IFT140: variants seen among roughly 807,000 people sequenced by gnomAD.
IFT140 encodes the protein intraflagellar transport 140, also known as intraflagellar transport protein 140 homolog.
In IFT140, 133 loss-of-function variants were observed where a neutral mutation model predicts 164.6. That is an observed-to-expected ratio of 0.81 (90% CI 0.70 to 0.93). The LOEUF is 0.93. IFT140 is among the 40% of genes least tolerant of loss of function. The pLI, the probability that IFT140 is intolerant of heterozygous loss-of-function variation, is 0.00. For missense variants in IFT140, 2,045 were observed against 1,972.3 expected (o/e 1.04, Z -0.70); for synonymous variants, 860 against 817.3 (o/e 1.05, Z -0.89).
chr16:1,597,527 G>T (rs2035526187), intron 4 of IFT140, among the ~76,000 whole-genome samples: 1 of 152,204 alleles, frequency 6.6e-6, no homozygotes, highest in Non-Finnish European at 1.5e-5. Flanking sequence ...CCACAACAGG[G>T]TCTCTGGTGG....
intron 4 of IFT140, among the ~76,000 whole-genome samples, chr16:1,593,971 C>A (rs1242367505): frequency 2.0e-5 from 3 of 152,188 alleles, no homozygotes; most frequent in Non-Finnish European, 4.4e-5. Context: ...GCATGGGAGA[C>A]CTGCCTCTTC....
intron 18 of IFT140, among the ~76,000 whole-genome samples, 159 bp downstream of exon 18, chr16:1,561,826 G>A (rs1380447401): frequency 1.3e-5 from 2 of 152,150 alleles, no homozygotes; most frequent in East Asian, 1.9e-4. Context: ...AATTTCAGGC[G>A]ACAAGTGAGA....
At chr16:1,573,405 T>C (rs1429898007) in intron 13 of IFT140, among the ~76,000 whole-genome samples, 2 of 151,972 alleles carry the variant, frequency 1.3e-5, no homozygotes, top group Admixed American at 1.3e-4. Flanking sequence ...AACATCTCTA[T>C]GTCAATACAT....
Position 1,511,233 on chromosome 16 carries a change from G to A in IFT140, c.4183-83C>T, listed in dbSNP as rs1037746915. ...GCCTGCAGGCCAGGCACGTGCTGCT[G>A]CCCCTGGAGGCGGGTGGGGGTGCCT... On this transcript the variant is annotated intron_variant, in intron 30 of 30. Transcript: ENST00000426508. The A allele has an allele frequency of 2.4e-4, 322 of 1,348,968 alleles. 1 individual carries two copies. The highest frequency in any genetic ancestry group is 3.7e-4 in the Middle Eastern group (2 of 5,420). 83.6% of individuals were successfully genotyped at this position (1,348,968 alleles called of 1,614,324 possible).
At chr16:1,588,685 T>C (rs529105781) in intron 7 of IFT140, among the ~76,000 whole-genome samples, 136 of 152,160 alleles carry the variant, frequency 8.9e-4, no homozygotes, top group Admixed American at 3.7e-3. Context: ...CCCTGTTTTG[T>C]AGAGAACAAA....
rs761916071 is a variant in IFT140, at chr16:1,523,960, C to A, written c.3142-4G>T. ...GCTGGTCGTCCAGGCCGTTCTCCTG[C>A]AGGGAGGGAGGCAGGGCCCTGAAGC... On this transcript the variant is annotated splice_polypyrimidine_tract_variant and splice_region_variant and intron_variant, in intron 24 of 30. Coordinates refer to ENST00000426508, the MANE Select transcript of IFT140 (RefSeq NM_014714.4). 1.9e-6 allele frequency: 3 copies of A among 1,610,646 alleles called. No individual in the cohort carries two copies. Among genetic ancestry groups the A allele is most frequent in the Non-Finnish European group, 8.5e-7 (1 of 1,179,714 alleles).
chr16:1,605,002 G>T (rs962949114), intron 3 of IFT140, among the ~76,000 whole-genome samples: 12 of 152,126 alleles, frequency 7.9e-5, no homozygotes, highest in Admixed American at 6.5e-4. Flanking sequence ...ACACCCTAGA[G>T]ATGTCAGGAA....
intron 4 of IFT140, among the ~76,000 whole-genome samples, chr16:1,597,230 G>T (rs773836232): frequency 6.6e-6 from 1 of 152,176 alleles, no homozygotes; most frequent in Admixed American, 6.5e-5. Flanking sequence ...GGCCTGGCCC[G>T]TCTAACGTGC....
intron 19 of IFT140, 121 bp from the exon 20 acceptor site, chr16:1,526,917 G>C: frequency 8.9e-7 from 1 of 1,126,964 alleles, no homozygotes. Flanking sequence ...CATGAGGAGG[G>C]GCCTTCACCC....
intron 4 of IFT140, among the ~76,000 whole-genome samples, chr16:1,601,561 G>A (rs951037673): frequency 3.9e-5 from 6 of 152,244 alleles, no homozygotes; most frequent in African/African-American, 1.4e-4. Context: ...GTAGCTGGAG[G>A]GAAAGCAGAC....
chr16:1,575,168 C>A (rs111534779), intron 13 of IFT140, among the ~76,000 whole-genome samples: 2 of 151,374 alleles, frequency 1.3e-5, no homozygotes, highest in African/African-American at 4.9e-5. Context: ...TCAAGACCAG[C>A]CTGGGCAACA....
chr16:1,589,501 T>C (rs2035064658), intron 7 of IFT140, 104 bp downstream of exon 7: 1 of 1,203,502 alleles, frequency 8.3e-7, no homozygotes, highest in Non-Finnish European at 1.2e-6. Context: ...GTTGATAGGC[T>C]TTTTTTCAGT....
In IFT140 at chr16:1,548,004, T is replaced by A. The variant is rs565795230; in HGVS notation, c.2399+9931A>T. ...TCTGGATAGCTCGCTTGCCTGTCTT[T>A]GGTACCCACTCCCCAGGCATCAGTT... On this transcript the variant is annotated intron_variant, in intron 19 of 30. Coordinates refer to ENST00000426508, the MANE Select transcript of IFT140 (RefSeq NM_014714.4). Among the ~76,000 whole-genome samples the A allele has an allele frequency of 8.5e-5, 13 of 152,324 alleles. 1 individual carries two copies. Among genetic ancestry groups the A allele is most frequent in the African/African-American group, 3.1e-4 (13 of 41,588 alleles).
chr16:1,555,009 G>A (rs776603275), intron 19 of IFT140: 3 of 1,611,690 alleles, frequency 1.9e-6, no homozygotes, highest in Admixed American at 1.7e-5. Flanking sequence ...CAATGACTAC[G>A]TGGAGTCACC....
chr16:1,606,843 CGT>C (rs1334887330), intron 3 of IFT140, among the ~76,000 whole-genome samples: 3 of 151,850 alleles, frequency 2.0e-5, no homozygotes, highest in South Asian at 2.1e-4. Flanking sequence ...CACACACACA[CGT>C]GTGCACACAC....
At chr16:1,585,429 C>T (rs904490359) in intron 10 of IFT140, among the ~76,000 whole-genome samples, 4 of 152,248 alleles carry the variant, frequency 2.6e-5, no homozygotes, top group Middle Eastern at 3.4e-3. Flanking sequence ...AAAATAAGAG[C>T]GACCACTAAA....
chr16:1,553,271 TCTGTCTCTCTGTGTCTCTGC>T lies in IFT140; in HGVS notation c.2399+4644_2399+4663del, dbSNP rs371656577. The T allele has an allele frequency of 9.2e-6, 9 of 980,202 alleles. No homozygotes were observed. Among genetic ancestry groups the T allele is most frequent in the Admixed American group, 6.1e-5 (1 of 16,270 alleles). The allele number at this position is 980,202 out of a possible 1,614,324, so 60.7% of individuals were successfully genotyped here. On this transcript the variant is annotated intron_variant, in intron 19 of 30. Coordinates refer to ENST00000426508, the MANE Select transcript of IFT140 (RefSeq NM_014714.4). This position sits in a 1 kb window ranked among gnomAD's most constrained non-coding sequence, Gnocchi z 4.4. Reference sequence around the variant, plus strand: ...CTGTCTCTCTGTATCTCTCTTGGTCTCTGTCTCTCTGTGTCTCTGCCTGTCTCTCTGTGTCTCTGTCTCTG... The same window carrying T: ...CTGTCTCTCTGTATCTCTCTTGGTCTCTGTCTCTCTGTGTCTCTGTCTCTG...
intron 10 of IFT140, 42 bp from the exon 11 acceptor site, chr16:1,584,462 C>T (rs1188041808): frequency 3.3e-6 from 5 of 1,507,652 alleles, no homozygotes; most frequent in Non-Finnish European, 4.5e-6. Flanking sequence ...GATGTGTGAA[C>T]AGAGCAGGAG....
At chr16:1,542,982 T>A (rs1220186487) in intron 19 of IFT140, among the ~76,000 whole-genome samples, 2 of 152,242 alleles carry the variant, frequency 1.3e-5, no homozygotes, top group Non-Finnish European at 2.9e-5. Context: ...GCCACAGCAG[T>A]GTCCAGCCAT....
Sources: gnomAD v4.1 joint callset for allele counts (sites outside exome capture counted in the v4.1 genomes callset) on GRCh38, gnomAD v4.1.1 for gene constraint, Gnocchi (gnomAD v3.1) non-coding constraint, MANE v1.5 for transcripts, NCBI Gene and HGNC (gene_info 2026-07-23, HGNC 2026-07-21) for gene names.